TLK2: variants seen among roughly 807,000 people sequenced by gnomAD.
TLK2 encodes the protein serine/threonine-protein kinase tousled-like 2.
Under a neutral mutation model 117.3 loss-of-function variants are expected in TLK2, and 6 were observed. That is an observed-to-expected ratio of 0.05 (90% CI 0.03 to 0.10). TLK2 has a LOEUF of 0.10. Ranked by LOEUF, TLK2 falls within the 10% of genes least tolerant of loss-of-function variation. The pLI is 1.00. For synonymous variants in TLK2, 257 were observed against 316.7 expected (o/e 0.81, Z 2.00); for missense variants, 299 against 901.2 (o/e 0.33, Z 8.56).
intron 15 of TLK2, among the ~76,000 whole-genome samples, chr17:62,585,018 T>C (rs1336857855): frequency 2.0e-5 from 3 of 152,222 alleles, no homozygotes; most frequent in Non-Finnish European, 4.4e-5. Flanking sequence ...TAAATTCTTT[T>C]GTTTGGAGGG....
chr17:62,594,832 C>CACA (rs1567991821), intron 16 of TLK2, among the ~76,000 whole-genome samples: 1 of 144,000 alleles, frequency 6.9e-6, no homozygotes, highest in Non-Finnish European at 1.5e-5. Flanking sequence ...ACACACACAC[C>CACA]CCATGTGGGT....
At chr17:62,577,046 T>G (rs2080855465) in intron 13 of TLK2, among the ~76,000 whole-genome samples, 1 of 144,980 alleles carries the variant, frequency 6.9e-6, no homozygotes, top group Admixed American at 7.3e-5. Flanking sequence ...CACTGCAACC[T>G]CCACCTCCCG....
chr17:62,504,610 C>T (rs1332784131), intron 2 of TLK2, among the ~76,000 whole-genome samples: 3 of 151,920 alleles, frequency 2.0e-5, no homozygotes, highest in African/African-American at 4.8e-5. Context: ...TTGAGACCAG[C>T]CAGGGCAACA....
chr17:62,529,799 C>G (rs2145713667), intron 6 of TLK2, among the ~76,000 whole-genome samples: 1 of 151,936 alleles, frequency 6.6e-6, no homozygotes, highest in Non-Finnish European at 1.5e-5. Context: ...GTTCCTTTTT[C>G]TTTAATTTCT....
chr17:62,481,298 T>C (rs556547791), intron 2 of TLK2, 92 bp downstream of exon 2: 46 of 1,393,276 alleles, frequency 3.3e-5, no homozygotes, highest in Non-Finnish European at 4.6e-5. Context: ...GCCCTTCTGA[T>C]AGTTTGCAGG....
intron 7 of TLK2, among the ~76,000 whole-genome samples, chr17:62,549,418 A>AAAAAAAAAAAAAAAAAAAAAAAAAAG (rs1598512121): frequency 3.5e-4 from 3 of 8,536 alleles, no homozygotes; most frequent in Admixed American, 2.9e-3. Flanking sequence ...AAAAAAAAAA[A>AAAAAAAAAAAAAAAAAAAAAAAAAAG]AAAAAAAAAA....
intron 19 of TLK2, 31 bp from the exon 20 acceptor site, chr17:62,606,099 T>A: frequency 1.9e-6 from 2 of 1,056,092 alleles, no homozygotes; most frequent in Non-Finnish European, 2.8e-6. Context: ...TGATCATTAT[T>A]CTAATAATTT....
At chr17:62,479,584 G>A (rs1231955443) in intron 1 of TLK2, among the ~76,000 whole-genome samples, 2 of 152,104 alleles carry the variant, frequency 1.3e-5, no homozygotes, top group African/African-American at 4.8e-5. Context: ...GGGCGCCCCC[G>A]AGAGCCGGCC....
At chr17:62,505,582 T>C (rs1202476617) in intron 2 of TLK2, among the ~76,000 whole-genome samples, 1 of 151,768 alleles carries the variant, frequency 6.6e-6, no homozygotes, top group Non-Finnish European at 1.5e-5. Context: ...TTCTTCTTCT[T>C]TTATTCTATT....
chr17:62,482,922 G>A (rs1204712768), intron 2 of TLK2, among the ~76,000 whole-genome samples: 1 of 152,076 alleles, frequency 6.6e-6, no homozygotes, highest in Non-Finnish European at 1.5e-5. Flanking sequence ...AGGTGCTGTG[G>A]GAACACAGGA....
chr17:62,573,509 A>G, intron 12 of TLK2, 142 bp downstream of exon 12: 2 of 1,147,460 alleles, frequency 1.7e-6, no homozygotes, highest in Non-Finnish European at 2.4e-6. Flanking sequence ...GGATTTGCTC[A>G]ACTCATATAA....
chr17:62,579,672 CT>C (rs1174921196), intron 14 of TLK2, among the ~76,000 whole-genome samples: 1 of 152,168 alleles, frequency 6.6e-6, no homozygotes, highest in Non-Finnish European at 1.5e-5. Flanking sequence ...ATGTGACTCA[CT>C]TTAAAATCAA....
intron 10 of TLK2, among the ~76,000 whole-genome samples, chr17:62,564,364 C>T (rs1312864156): frequency 1.3e-5 from 2 of 151,938 alleles, no homozygotes; most frequent in Non-Finnish European, 2.9e-5. Flanking sequence ...AGTGAAACCC[C>T]GTCTCTACTA....
At chr17:62,598,587 C>CAT (rs2082650700) in intron 17 of TLK2, among the ~76,000 whole-genome samples, 1 of 150,976 alleles carries the variant, frequency 6.6e-6, no homozygotes, top group East Asian at 2.0e-4. Flanking sequence ...TTCAGTGGTG[C>CAT]GATCTTGGCT....
chr17:62,606,341 G>A (rs1425031564), intron 20 of TLK2, 100 bp downstream of exon 20: 1 of 567,232 alleles, frequency 1.8e-6, no homozygotes, highest in East Asian at 3.1e-5. Context: ...TTAATTATTG[G>A]GTTATACAAA....
chr17:62,522,653 G>A (rs2076123385), intron 4 of TLK2, among the ~76,000 whole-genome samples: 1 of 152,122 alleles, frequency 6.6e-6, no homozygotes, highest in African/African-American at 2.4e-5. Flanking sequence ...TGTCCTTTCT[G>A]CCTACTGTTC....
chr17:62,574,523 G>GT (rs11314763), intron 12 of TLK2: 13,248 of 519,778 alleles, frequency 0.025, no homozygotes, highest in South Asian at 0.031. Flanking sequence ...TGTTGTTGTT[G>GT]TTTTTTTTTT....
chr17:62,564,763 T>C (rs1181609233), intron 10 of TLK2, among the ~76,000 whole-genome samples: 1 of 151,742 alleles, frequency 6.6e-6, no homozygotes, highest in East Asian at 1.9e-4. Context: ...CACACACACA[T>C]AGGCAGATTG....
intron 6 of TLK2, among the ~76,000 whole-genome samples, chr17:62,528,357 AAGAC>A (rs1251458041): frequency 6.6e-6 from 1 of 152,208 alleles, no homozygotes; most frequent in East Asian, 1.9e-4. Flanking sequence ...GAGTTGGCAA[AAGAC>A]AGGTCACAGC....
Sources: gnomAD v4.1 joint callset for allele counts (sites outside exome capture counted in the v4.1 genomes callset) on GRCh38, gnomAD v4.1.1 for gene constraint, MANE v1.5 for transcripts, NCBI Gene and HGNC (gene_info 2026-07-23, HGNC 2026-07-21) for gene names.